Variants in SRD5A2 observed in about 807,000 individuals in gnomAD.
The protein encoded by SRD5A2 is 3-oxo-5-alpha-steroid 4-dehydrogenase 2.
SRD5A2 carries 30 observed loss-of-function variants against 27.4 expected under a neutral mutation model. The ratio of observed to expected loss-of-function variants is 1.10; its 90% CI spans 0.82 to 1.49. The LOEUF (loss-of-function observed/expected upper bound fraction) is 1.49. Ranked by LOEUF, SRD5A2 falls within the 40% of genes most tolerant of loss-of-function variation. SRD5A2 has a pLI of 0.00. For missense variants in SRD5A2, 348 were observed against 323.4 expected (o/e 1.08, Z -0.58); for synonymous variants, 141 against 133.6 (o/e 1.06, Z -0.38).
At chr2:31,576,235 G>A (rs1452712401) in intron 1 of SRD5A2, among the ~76,000 whole-genome samples, 2 of 95,596 alleles carry the variant, frequency 2.1e-5, no homozygotes, top group Admixed American at 1.1e-4. Flanking sequence ...GAAAATTTTC[G>A]CAACCTACTC....
At chr2:31,554,525 A>T (rs1412052091) in intron 1 of SRD5A2, among the ~76,000 whole-genome samples, 1 of 152,204 alleles carries the variant, frequency 6.6e-6, no homozygotes, top group East Asian at 1.9e-4. Flanking sequence ...CCTCAGGAGA[A>T]GCAGTTAGAG....
chr2:31,640,211 T>C, the SRD5A2 span, among the ~76,000 whole-genome samples: 1 of 152,020 alleles, frequency 6.6e-6, no homozygotes, highest in African/African-American at 2.4e-5. Context: ...TTTTAATCTC[T>C]TTGTTCAATT....
At chr2:31,659,481 A>G in the SRD5A2 span, among the ~76,000 whole-genome samples, 2 of 152,300 alleles carry the variant, frequency 1.3e-5, no homozygotes, top group Admixed American at 1.3e-4. Flanking sequence ...AAGTTCATCA[A>G]AGTTTCAGAA....
At chr2:31,638,089 T>C in the SRD5A2 span, among the ~76,000 whole-genome samples, 1 of 152,076 alleles carries the variant, frequency 6.6e-6, no homozygotes, top group Non-Finnish European at 1.5e-5. Flanking sequence ...CTGTTAGTAC[T>C]GCTTTTTCTG....
chr2:31,642,075 A>G, the SRD5A2 span, among the ~76,000 whole-genome samples: 1 of 152,158 alleles, frequency 6.6e-6, no homozygotes, highest in South Asian at 2.1e-4. Flanking sequence ...GTAACAAAAT[A>G]TAGCCCAGAA....
chr2:31,578,425 T>C (rs2268799), intron 1 of SRD5A2, among the ~76,000 whole-genome samples: 96,942 of 152,002 alleles, frequency 0.64, 31,265 homozygotes, highest in Middle Eastern at 0.7. Context: ...AAGGAAGTTA[T>C]TTAACCTTTT....
the SRD5A2 span, among the ~76,000 whole-genome samples, chr2:31,657,781 T>A: frequency 6.6e-6 from 1 of 151,874 alleles, no homozygotes; most frequent in African/African-American, 2.4e-5. Flanking sequence ...AAATAAAGGA[T>A]CAAATTCCAA....
At chr2:31,543,593 T>C (rs910024182) in intron 1 of SRD5A2, among the ~76,000 whole-genome samples, 3 of 152,192 alleles carry the variant, frequency 2.0e-5, no homozygotes, top group South Asian at 2.1e-4. Context: ...ACATGATATA[T>C]AAAGTTGCAA....
chr2:31,555,419 C>T (rs768348053), intron 1 of SRD5A2, among the ~76,000 whole-genome samples: 8 of 152,116 alleles, frequency 5.3e-5, no homozygotes, highest in Non-Finnish European at 8.8e-5. Flanking sequence ...CATTGGTTGT[C>T]TCAGGCATGA....
At chr2:31,545,454 T>C (rs987104014) in intron 1 of SRD5A2, among the ~76,000 whole-genome samples, 4 of 152,092 alleles carry the variant, frequency 2.6e-5, no homozygotes, top group Admixed American at 2.6e-4. Flanking sequence ...ATCCATAGCG[T>C]TGTCAGGCTT....
intron 1 of SRD5A2, among the ~76,000 whole-genome samples, chr2:31,538,743 C>A (rs1032603572): frequency 1.3e-5 from 2 of 152,196 alleles, no homozygotes; most frequent in South Asian, 4.1e-4. Flanking sequence ...AAATAAATAA[C>A]CTCCAATGCC....
the SRD5A2 span, among the ~76,000 whole-genome samples, chr2:31,631,961 C>T: frequency 6.6e-6 from 1 of 152,230 alleles, no homozygotes; most frequent in South Asian, 2.1e-4. Context: ...ATGATGTCCC[C>T]TATAACATAG....
At chr2:31,620,806 A>G in the SRD5A2 span, among the ~76,000 whole-genome samples, 14 of 149,040 alleles carry the variant, frequency 9.4e-5, no homozygotes, top group South Asian at 2.9e-3. Flanking sequence ...CATATTTTAT[A>G]TATTTTATAT....
chr2:31,638,759 G>A, the SRD5A2 span, among the ~76,000 whole-genome samples: 18 of 149,544 alleles, frequency 1.2e-4, no homozygotes, highest in Non-Finnish European at 1.6e-4. Flanking sequence ...TTTTCAAGTT[G>A]CATAAAATAT....
At chr2:31,595,920 G>A in the SRD5A2 span, among the ~76,000 whole-genome samples, 2 of 152,092 alleles carry the variant, frequency 1.3e-5, no homozygotes, top group Non-Finnish European at 2.9e-5. Context: ...CAATAAATGT[G>A]ATGCACCACA....
the SRD5A2 span, among the ~76,000 whole-genome samples, chr2:31,605,297 G>T: frequency 6.6e-6 from 1 of 151,686 alleles, no homozygotes; most frequent in African/African-American, 2.4e-5. Flanking sequence ...TGGACAAATG[G>T]GATCACAAAT....
At chr2:31,612,481 A>G in the SRD5A2 span, among the ~76,000 whole-genome samples, 4 of 152,204 alleles carry the variant, frequency 2.6e-5, no homozygotes, top group South Asian at 2.1e-4. Flanking sequence ...AAAGATTTGT[A>G]TACTTAAAAT....
At chr2:31,635,006 A>C in the SRD5A2 span, among the ~76,000 whole-genome samples, 1 of 152,260 alleles carries the variant, frequency 6.6e-6, no homozygotes. Flanking sequence ...GAGTGCAGCT[A>C]TCTCTTTGAT....
At chr2:31,545,572 C>T (rs1447346005) in intron 1 of SRD5A2, among the ~76,000 whole-genome samples, 1 of 152,134 alleles carries the variant, frequency 6.6e-6, no homozygotes, top group African/African-American at 2.4e-5. Context: ...AGGCAACTTC[C>T]TCAACATAAT....
Sources: allele counts gnomAD v4.1 joint callset (sites outside exome capture counted in the v4.1 genomes callset), GRCh38; gene constraint gnomAD v4.1.1; transcripts MANE v1.5; gene names NCBI Gene and HGNC (gene_info 2026-07-23, HGNC 2026-07-21).